ZNF25: variants seen among roughly 807,000 people sequenced by gnomAD.
The protein encoded by ZNF25 is zinc finger protein 25.
ZNF25 carries 21 observed loss-of-function variants against 30.9 expected under a neutral mutation model. The ratio of observed to expected loss-of-function variants is 0.68; its 90% CI spans 0.48 to 0.98. The LOEUF (loss-of-function observed/expected upper bound fraction) is 0.98. Among genes scored for constraint, ZNF25 ranks in the 50% least tolerant of loss-of-function variants. The probability of loss-of-function intolerance (pLI) is 0.00; values close to 1 mark genes in which losing one functional copy is unlikely to be tolerated. For synonymous variants in ZNF25, 169 were observed against 181.3 expected (o/e 0.93, Z 0.55); for missense variants, 501 against 529.9 (o/e 0.95, Z 0.54).
chr10:37,954,669 T>G (rs190033643), intron 4 of ZNF25, among the ~76,000 whole-genome samples: 1 of 152,142 alleles, frequency 6.6e-6, no homozygotes, highest in African/African-American at 2.4e-5. Flanking sequence ...TCTTTAAAGG[T>G]CCAATTATTG....
intron 2 of ZNF25, among the ~76,000 whole-genome samples, chr10:37,962,496 T>C (rs2062946300): frequency 6.6e-6 from 1 of 152,216 alleles, no homozygotes. Flanking sequence ...AATTGAAATC[T>C]ACCAAATACA....
intron 2 of ZNF25, among the ~76,000 whole-genome samples, chr10:37,964,050 T>G (rs1203780948): frequency 6.6e-6 from 1 of 152,148 alleles, no homozygotes; most frequent in African/African-American, 2.4e-5. Flanking sequence ...ACTGTCACTA[T>G]GTGATGTACT....
intron 2 of ZNF25, among the ~76,000 whole-genome samples, chr10:37,957,832 TATG>T (rs772355895): frequency 2.3e-4 from 35 of 152,224 alleles, no homozygotes; most frequent in Admixed American, 9.2e-4. Flanking sequence ...AAATTCCATA[TATG>T]ATGATGATCC....
chr10:37,964,149 G>A (rs1459202470), intron 2 of ZNF25, among the ~76,000 whole-genome samples: 1 of 152,118 alleles, frequency 6.6e-6, no homozygotes, highest in East Asian at 1.9e-4. Context: ...TTCCTGTACA[G>A]CCTGCATAAC....
chr10:37,955,194 A>T (rs1330212467), intron 4 of ZNF25, among the ~76,000 whole-genome samples: 1 of 152,174 alleles, frequency 6.6e-6, no homozygotes, highest in Non-Finnish European at 1.5e-5. Flanking sequence ...ATTTAAGAGC[A>T]TAGTAAAATG....
intron 5 of ZNF25, 53 bp from the exon 6 acceptor site, chr10:37,953,248 T>C: frequency 6.7e-7 from 1 of 1,496,034 alleles, no homozygotes; most frequent in Non-Finnish European, 8.9e-7. Context: ...AGGCTTTTTG[T>C]TCCCCCTGCT....
intron 1 of ZNF25, among the ~76,000 whole-genome samples, chr10:37,973,714 T>C (rs2063632520): frequency 6.6e-6 from 1 of 151,958 alleles, no homozygotes; most frequent in Non-Finnish European, 1.5e-5. Context: ...CTAAAAGCAG[T>C]CTACAGATTA....
intron 2 of ZNF25, among the ~76,000 whole-genome samples, chr10:37,964,195 C>T (rs2063054665): frequency 6.6e-6 from 1 of 152,070 alleles, no homozygotes; most frequent in South Asian, 2.1e-4. Flanking sequence ...TTATAAATGA[C>T]CCAGCCTCAG....
At chr10:37,970,339 A>G (rs11597265) in intron 2 of ZNF25, among the ~76,000 whole-genome samples, 9,100 of 152,250 alleles carry the variant, frequency 0.06, 349 homozygotes, top group Middle Eastern at 0.095. Flanking sequence ...CAATCAGTGC[A>G]GTTCACTATG....
intron 1 of ZNF25, among the ~76,000 whole-genome samples, chr10:37,974,447 T>G (rs920233126): frequency 1.3e-5 from 2 of 152,088 alleles, no homozygotes; most frequent in African/African-American, 4.8e-5. Context: ...TTAAAAAAAT[T>G]GAGCAAATGA....
intron 2 of ZNF25, among the ~76,000 whole-genome samples, chr10:37,961,523 T>C (rs1408283365): frequency 1.3e-5 from 2 of 151,972 alleles, no homozygotes; most frequent in Non-Finnish European, 2.9e-5. Flanking sequence ...TTTTCATAAA[T>C]ACAAAAATGT....
intron 2 of ZNF25, among the ~76,000 whole-genome samples, chr10:37,965,203 C>T (rs1013146879): frequency 6.6e-6 from 1 of 152,146 alleles, no homozygotes; most frequent in Non-Finnish European, 1.5e-5. Context: ...AAGTCTGCCA[C>T]AGAGATGGAG....
intron 1 of ZNF25, among the ~76,000 whole-genome samples, chr10:37,973,596 C>A (rs866749586): frequency 4.7e-3 from 608 of 129,756 alleles, no homozygotes; most frequent in Middle Eastern, 0.012. Context: ...GCCCTTGTCT[C>A]AAAAAAAAAA....
intron 2 of ZNF25, among the ~76,000 whole-genome samples, chr10:37,963,344 A>C (rs2062997568): frequency 1.3e-5 from 2 of 151,730 alleles, no homozygotes; most frequent in Admixed American, 1.3e-4. Context: ...CTAGTCTAGA[A>C]CTCCTGACCT....
chr10:37,961,177 G>A (rs536606420), intron 2 of ZNF25, among the ~76,000 whole-genome samples: 1 of 152,088 alleles, frequency 6.6e-6, no homozygotes, highest in East Asian at 1.9e-4. Flanking sequence ...ACTTCACCAG[G>A]GTCCCTAAAT....
At chr10:37,954,619 A>G (rs1465972802) in intron 4 of ZNF25, among the ~76,000 whole-genome samples, 1 of 152,130 alleles carries the variant, frequency 6.6e-6, no homozygotes, top group African/African-American at 2.4e-5. Flanking sequence ...TCATTTTCAT[A>G]TCTTGCTTCC....
intron 2 of ZNF25, among the ~76,000 whole-genome samples, chr10:37,963,703 G>C (rs1385638104): frequency 6.6e-6 from 1 of 152,134 alleles, no homozygotes; most frequent in Non-Finnish European, 1.5e-5. Flanking sequence ...CACCAGGCGT[G>C]GTGGCTCACA....
Position 37,957,063 on chromosome 10 carries a change from C to G in ZNF25, c.195G>C (p.Glu65Asp), listed in dbSNP as rs1379958269. Residue 65 changes from glutamate (E) to aspartate (D), a missense_variant, in exon 4 of 6, where the codon GAG (glutamate) becomes GAC (aspartate). Glu to Asp is a conservative substitution (Grantham distance 45, BLOSUM62 2). Coordinates refer to ENST00000302609, the MANE Select transcript of ZNF25 (RefSeq NM_145011.4). Reference protein sequence around the residue: ...NAVFKLKQGKEPWILEVEFPH... With the variant: ...NAVFKLKQGKDPWILEVEFPH... ...GAAATTCTACTTCTAATATCCATGG[C>G]TCTTTTCCTTGCTTCAACTTGAAGA... The G allele has an allele frequency of 6.2e-7, 1 of 1,614,100 alleles. No individual in the cohort carries two copies. Among genetic ancestry groups the G allele is most frequent in the Admixed American group, 1.7e-5 (1 of 60,014 alleles).
chr10:37,954,211 A>G (rs2062369233), intron 4 of ZNF25, among the ~76,000 whole-genome samples: 1 of 152,256 alleles, frequency 6.6e-6, no homozygotes, highest in Non-Finnish European at 1.5e-5. Flanking sequence ...GCTGAAGTAT[A>G]GGTCTTTATT....
Sources: gnomAD v4.1 joint callset for allele counts (sites outside exome capture counted in the v4.1 genomes callset) on GRCh38, gnomAD v4.1.1 for gene constraint, MANE v1.5 for transcripts, NCBI Gene and HGNC (gene_info 2026-07-23, HGNC 2026-07-21) for gene names.